Variants in NEO1 observed in about 807,000 individuals in gnomAD.
NEO1 encodes the protein neogenin.
A neutral mutation model predicts 159.7 loss-of-function variants in NEO1; 63 were observed. That is an observed-to-expected ratio of 0.39 (90% CI 0.32 to 0.49). The LOEUF (loss-of-function observed/expected upper bound fraction) is 0.49. NEO1 is among the 20% of genes least tolerant of loss of function. The pLI is 0.85. For missense variants in NEO1, 1,615 were observed against 1,831.0 expected, an observed-to-expected ratio of 0.88 and a Z score of 2.15; for synonymous variants, 633 against 662.0, an observed-to-expected ratio of 0.96 and a Z score of 0.67.
At position 73,120,098 on chromosome 15, in the gene NEO1, T is replaced by C. The variant is rs536015776; in HGVS notation, c.449-2427T>C. Among the ~76,000 whole-genome samples the C allele has an allele frequency of 3.2e-3, 494 of 152,182 alleles. 2 individuals carry two copies. The highest frequency in any genetic ancestry group is 0.012 in the African/African-American group (478 of 41,512). On this transcript the variant is annotated intron_variant, in intron 2 of 28. Coordinates refer to ENST00000261908, the MANE Select transcript of NEO1 (RefSeq NM_002499.4). ...TTGCAGTGAGCCAAGATTGTGCCAC[T>C]GCACTCCAGCATGGGTGACAGAGTG...
At chr15:73,230,040 A>C (rs963074025) in intron 7 of NEO1, among the ~76,000 whole-genome samples, 3 of 152,170 alleles carry the variant, frequency 2.0e-5, no homozygotes, top group Non-Finnish European at 2.9e-5. Context: ...CTTTGATAAC[A>C]GAGTAATACT....
At chr15:73,072,612 G>A (rs1029792995) in intron 1 of NEO1, among the ~76,000 whole-genome samples, 1 of 152,172 alleles carries the variant, frequency 6.6e-6, no homozygotes, top group Non-Finnish European at 1.5e-5. Flanking sequence ...ATGTAAACAA[G>A]CGATTTGTGC....
rs780510730 is a variant in NEO1 at position 73,266,403 on chromosome 15, C to G, written c.2486C>G (p.Pro829Arg). 2 of 1,611,168 alleles carry G rather than the reference C, an allele frequency of 1.2e-6. No homozygotes were observed. The highest frequency in any genetic ancestry group is 4.5e-5 in the East Asian group (2 of 44,832). Residue 829 changes from proline to arginine, a missense_variant, in exon 16 of 29, where the codon CCT becomes CGT. Coordinates refer to ENST00000261908, the MANE Select transcript of NEO1 (RefSeq NM_002499.4). ...IPLYESAVTR[P>R]HTDTSEVDLF... ...CTGTATGAGAGTGCTGTGACCAGGC[C>G]TCACACAGGTAAGGTATCCTATCTT... is the stretch of plus-strand genomic sequence containing the variant.
intron 1 of NEO1, among the ~76,000 whole-genome samples, chr15:73,062,674 G>A (rs2068035164): frequency 6.6e-6 from 1 of 152,218 alleles, no homozygotes; most frequent in African/African-American, 2.4e-5. Context: ...GGTTTGAAGT[G>A]ATTAAGTTCA....
At chr15:73,231,543 G>T (rs2038910980) in intron 7 of NEO1, among the ~76,000 whole-genome samples, 1 of 152,080 alleles carries the variant, frequency 6.6e-6, no homozygotes, top group Non-Finnish European at 1.5e-5. Context: ...GACCAGCCTG[G>T]GCAACATGGT....
intron 18 of NEO1, 33 bp from the exon 19 acceptor site, chr15:73,272,422 A>G: frequency 2.0e-6 from 3 of 1,526,182 alleles, no homozygotes; most frequent in South Asian, 1.1e-5. Flanking sequence ...TTTGAAATGG[A>G]CAGAAATTAT....
Position 73,057,420 on chromosome 15 carries a change from A to G in NEO1, c.130+4615A>G, listed in dbSNP as rs139702367. ...AGTGACTTCCATGTGATTGGGAGCT[A>G]TTTACCATATCATTGGTAAGTGTTT... On this transcript the variant is annotated intron_variant, in intron 1 of 28. Coordinates refer to ENST00000261908, the MANE Select transcript of NEO1 (RefSeq NM_002499.4). Among the ~76,000 whole-genome samples, 421 of 152,272 alleles carry G rather than the reference A, an allele frequency of 2.8e-3. 9 individuals are homozygous for G. In the East Asian group the frequency reaches 0.067, roughly 24 times the overall value.
At chr15:73,119,875 G>A (rs1215323755) in intron 2 of NEO1, among the ~76,000 whole-genome samples, 2 of 152,160 alleles carry the variant, frequency 1.3e-5, no homozygotes, top group African/African-American at 4.8e-5. Flanking sequence ...AGTGGCTTAC[G>A]CCTATAATCC....
At chr15:73,180,781 G>A (rs1429355944) in intron 7 of NEO1, among the ~76,000 whole-genome samples, 1 of 152,136 alleles carries the variant, frequency 6.6e-6, no homozygotes, top group Non-Finnish European at 1.5e-5. Flanking sequence ...ATGAGCTGAT[G>A]AAATTTTTTA....
intron 6 of NEO1, among the ~76,000 whole-genome samples, chr15:73,176,921 A>G (rs558891846): frequency 8.5e-5 from 13 of 152,294 alleles, no homozygotes; most frequent in Middle Eastern, 6.8e-3. Flanking sequence ...TTCAAGAAGC[A>G]GAAATCTTTC....
intron 5 of NEO1, among the ~76,000 whole-genome samples, chr15:73,144,029 A>G (rs1168154250): frequency 6.8e-6 from 1 of 146,894 alleles, no homozygotes; most frequent in African/African-American, 2.6e-5. Flanking sequence ...TTAAATGGAA[A>G]TTGTTAAATG....
Position 73,291,345 on chromosome 15 carries a change from T to C in NEO1, c.3743-2045T>C, listed in dbSNP as rs527778361. Among the ~76,000 whole-genome samples, 5 of 152,336 alleles carry C rather than the reference T, an allele frequency of 3.3e-5. No individual in the cohort carries two copies. In the East Asian group the frequency reaches 7.7e-4, roughly 23 times the overall value. ...TTAAATATGTTAAGTAAAAAAGATA[T>C]GTTGTCCAGTTGATATCATTCTTCT... On this transcript the variant is annotated intron_variant, in intron 25 of 28. Transcript: ENST00000261908.
chr15:73,214,332 C>T (rs2037757544), intron 7 of NEO1, among the ~76,000 whole-genome samples: 1 of 152,194 alleles, frequency 6.6e-6, no homozygotes, highest in Non-Finnish European at 1.5e-5. Flanking sequence ...GGTTCTTGGT[C>T]ATGAAATCCT....
At chr15:73,096,349 A>G (rs1290533250) in intron 1 of NEO1, among the ~76,000 whole-genome samples, 2 of 152,214 alleles carry the variant, frequency 1.3e-5, no homozygotes, top group African/African-American at 4.8e-5. Flanking sequence ...ATTTTAGACA[A>G]GTGGGCTCAA....
At chr15:73,253,486 T>A in intron 12 of NEO1, 37 bp downstream of exon 12, 1 of 1,495,038 alleles carries the variant, frequency 6.7e-7, no homozygotes. Context: ...TTTTTACTGG[T>A]ATACTGTTGC....
At chr15:73,274,954 C>G (rs539347977) in intron 21 of NEO1, among the ~76,000 whole-genome samples, 5 of 152,156 alleles carry the variant, frequency 3.3e-5, no homozygotes, top group Non-Finnish European at 4.4e-5. Context: ...ACTGGTCCTG[C>G]AGCTGTAGGA....
At chr15:73,280,083 A>AT (rs2041620377) in intron 22 of NEO1, among the ~76,000 whole-genome samples, 2 of 152,178 alleles carry the variant, frequency 1.3e-5, no homozygotes, top group South Asian at 4.1e-4. Flanking sequence ...GCAGTGAAGA[A>AT]TAAGTTGGGG....
At chr15:73,284,493 T>C (rs1467696745) in intron 23 of NEO1, among the ~76,000 whole-genome samples, 1 of 152,200 alleles carries the variant, frequency 6.6e-6, no homozygotes, top group Non-Finnish European at 1.5e-5. Flanking sequence ...TGAAATAGCT[T>C]TCCATAGCTT....
chr15:73,257,838 A>G (rs530049062), intron 13 of NEO1, among the ~76,000 whole-genome samples: 34 of 152,342 alleles, frequency 2.2e-4, no homozygotes, highest in Admixed American at 1.0e-3. Context: ...CTAGTAATCC[A>G]GATTATCGTC....
Sources: gnomAD v4.1 joint callset for allele counts (sites outside exome capture counted in the v4.1 genomes callset) on GRCh38, gnomAD v4.1.1 for gene constraint, MANE v1.5 for transcripts, NCBI Gene and HGNC (gene_info 2026-07-23, HGNC 2026-07-21) for gene names.